DMD: variants seen among roughly 807,000 people sequenced by gnomAD.
DMD encodes the protein dystrophin, also known as mutant dystrophin.
A neutral mutation model predicts 330.1 loss-of-function variants in DMD; 63 were observed. That is an observed-to-expected ratio of 0.19 (90% CI 0.16 to 0.24). DMD has a LOEUF of 0.24. Ranked by LOEUF, DMD falls within the 10% of genes least tolerant of loss-of-function variation. The pLI is 1.00. For missense variants in DMD, 3,344 were observed against 2,684.1 expected, an observed-to-expected ratio of 1.25 and a Z score of -5.43; for synonymous variants, 1,223 against 959.8, an observed-to-expected ratio of 1.27 and a Z score of -5.07.
At chrX:32,169,697 T>C (rs1451280990) in intron 44 of DMD, among the ~76,000 whole-genome samples, 1 of 111,664 alleles carries the variant, frequency 9.0e-6, no homozygotes, top group Non-Finnish European at 1.9e-5. Context: ...CTGTCCACAA[T>C]CCCATGCCAT....
chrX:32,137,156 C>G (rs1476782707), intron 44 of DMD, among the ~76,000 whole-genome samples: 1 of 111,721 alleles, frequency 9.0e-6, no homozygotes, highest in Non-Finnish European at 1.9e-5. Context: ...TTAAACTATA[C>G]AAGTTAATCT....
chrX:31,840,459 ATGTG>A (rs2093295489), intron 48 of DMD, among the ~76,000 whole-genome samples: 1 of 109,121 alleles, frequency 9.2e-6, no homozygotes, highest in African/African-American at 3.3e-5. Flanking sequence ...ACATACACAT[ATGTG>A]TGAGTGGATA....
At chrX:32,343,661 T>A (rs923104311) in intron 39 of DMD, among the ~76,000 whole-genome samples, 6 of 111,576 alleles carry the variant, frequency 5.4e-5, no homozygotes, top group Non-Finnish European at 1.1e-4. Context: ...TGAGTTTGTA[T>A]CTGACTTAAA....
intron 54 of DMD, among the ~76,000 whole-genome samples, chrX:31,647,958 A>G (rs180745980): frequency 1.8e-5 from 2 of 112,531 alleles, no homozygotes; most frequent in Admixed American, 1.9e-4. Context: ...GACAGACGGA[A>G]TGACCACAGC....
chrX:31,596,166 T>C (rs899323757), intron 55 of DMD, among the ~76,000 whole-genome samples: 3 of 111,587 alleles, frequency 2.7e-5, no homozygotes, highest in African/African-American at 9.8e-5. Context: ...AACATAATAT[T>C]GATGAAGGAG....
intron 55 of DMD, among the ~76,000 whole-genome samples, chrX:31,615,900 A>T (rs1180632375): frequency 8.9e-6 from 1 of 112,271 alleles, no homozygotes; most frequent in Non-Finnish European, 1.9e-5. Context: ...AATAAGCCTG[A>T]AAATAGTAAT....
At chrX:32,370,090 A>ACAT (rs1207718122) in intron 34 of DMD, among the ~76,000 whole-genome samples, 4 of 111,353 alleles carry the variant, frequency 3.6e-5, no homozygotes, top group African/African-American at 1.3e-4. Context: ...TAGCTACGTA[A>ACAT]CATATTCGTG....
intron 9 of DMD, among the ~76,000 whole-genome samples, chrX:32,684,484 ATCATT>A (rs1238007811): frequency 9.0e-6 from 1 of 111,580 alleles, no homozygotes; most frequent in African/African-American, 3.2e-5. Flanking sequence ...TATGTCTTAC[ATCATT>A]TCATTTACCA....
intron 47 of DMD, among the ~76,000 whole-genome samples, chrX:31,889,647 T>A (rs201450558): frequency 0.061 from 4,337 of 71,414 alleles, 268 homozygotes; most frequent in African/African-American, 0.18. Flanking sequence ...TCTCTCTCTC[T>A]CACACACACA....
At chrX:32,338,187 T>G (rs1024579851) in intron 41 of DMD, among the ~76,000 whole-genome samples, 2 of 111,595 alleles carry the variant, frequency 1.8e-5, no homozygotes, top group East Asian at 2.8e-4. Flanking sequence ...GTAAATGTTC[T>G]TTTGTCTTAA....
At position 32,488,218 on chromosome X, in the gene DMD, T is replaced by C. The variant is rs979816564; in HGVS notation, c.2622+3059A>G. Among the ~76,000 whole-genome samples, 10 of 112,283 alleles carry C rather than the reference T, an allele frequency of 8.9e-5. No individual in the cohort carries two copies. The South Asian group carries it at 3.7e-3, about 41-fold the overall frequency. ...TTAAAAAGATGTGAACAATTAGCCA[T>C]TATTTCCATAAAAGGATTTGGTTTA... is the stretch of plus-strand genomic sequence containing the variant. On this transcript the variant is annotated intron_variant, in intron 20 of 78. Transcript: ENST00000357033.
At chrX:31,981,803 A>G (rs981802938) in intron 44 of DMD, among the ~76,000 whole-genome samples, 1 of 112,064 alleles carries the variant, frequency 8.9e-6, no homozygotes, top group African/African-American at 3.2e-5. Flanking sequence ...GCTGCTCTAA[A>G]TGAGCTAAAA....
At chrX:32,789,693 A>G (rs2075675735) in intron 7 of DMD, among the ~76,000 whole-genome samples, 1 of 111,816 alleles carries the variant, frequency 8.9e-6, no homozygotes, top group Non-Finnish European at 1.9e-5. Flanking sequence ...TTCCATTTAT[A>G]AAAGAAGGAT....
Position 32,389,938 on chromosome X carries a change from T to G in DMD, c.4344+133A>C, listed in dbSNP as rs191049880. The G allele has an allele frequency of 7.8e-4, 440 of 564,381 alleles. 1 individual carries two copies. The African/African-American group carries it at 9.3e-3, about 12-fold the overall frequency. The allele number at this position is 564,381 out of a possible 1,213,427, so 46.5% of individuals were successfully genotyped here. On this transcript the variant is annotated intron_variant, in intron 31 of 78. Transcript: ENST00000357033. Reference sequence around the variant, plus strand: ...AAAATGTAGAGAGCAAAACACTCATTGTTTAGACATCAAATTATAGTTTTC... The same window carrying G: ...AAAATGTAGAGAGCAAAACACTCATGGTTTAGACATCAAATTATAGTTTTC...
At chrX:31,869,235 T>C (rs2093849722) in intron 48 of DMD, among the ~76,000 whole-genome samples, 1 of 110,925 alleles carries the variant, frequency 9.0e-6, no homozygotes, top group Non-Finnish European at 1.9e-5. Flanking sequence ...GCTACCCCTA[T>C]ATAAATAAAT....
intron 11 of DMD, among the ~76,000 whole-genome samples, chrX:32,634,323 C>T (rs1277917000): frequency 9.0e-6 from 1 of 111,704 alleles, no homozygotes; most frequent in Non-Finnish European, 1.9e-5. Context: ...TGATGCTCTG[C>T]CCCACTGTGG....
intron 55 of DMD, among the ~76,000 whole-genome samples, chrX:31,616,136 A>G (rs1254462669): frequency 1.8e-5 from 2 of 111,591 alleles, no homozygotes; most frequent in Admixed American, 1.9e-4. Flanking sequence ...AGTTCACACT[A>G]TGAAACACTA....
At chrX:31,827,689 T>C (rs2092922113) in intron 49 of DMD, among the ~76,000 whole-genome samples, 1 of 111,580 alleles carries the variant, frequency 9.0e-6, no homozygotes. Context: ...TCTTAATAAA[T>C]TTAGGAAAAT....
intron 1 of DMD, among the ~76,000 whole-genome samples, chrX:33,078,505 G>A (rs767453575): frequency 8.9e-6 from 1 of 111,900 alleles, no homozygotes; most frequent in Non-Finnish European, 1.9e-5. Flanking sequence ...TTACTCACTC[G>A]GTAAAAGTGG....
Sources: gnomAD v4.1 joint callset for allele counts (sites outside exome capture counted in the v4.1 genomes callset) on GRCh38, gnomAD v4.1.1 for gene constraint, MANE v1.5 for transcripts, NCBI Gene and HGNC (gene_info 2026-07-23, HGNC 2026-07-21) for gene names.